UBE2D2: variants seen among roughly 807,000 people sequenced by gnomAD.
UBE2D2 encodes the protein ubiquitin conjugating enzyme E2 D2, also known as ubiquitin-conjugating enzyme E2 D2.
Under a neutral mutation model 24.2 loss-of-function variants are expected in UBE2D2, and 2 were observed. The ratio of observed to expected loss-of-function variants is 0.08; its 90% CI spans 0.03 to 0.26. The LOEUF (loss-of-function observed/expected upper bound fraction) is 0.26, where lower values mean the gene tolerates loss of function less well. UBE2D2 is among the 10% of genes least tolerant of loss of function. The pLI is 1.00. For synonymous variants in UBE2D2, 58 were observed against 56.5 expected (o/e 1.03, Z -0.12); for missense variants, 44 against 177.6 (o/e 0.25, Z 4.28).
At chr5:139,543,685 C>A (rs1359679134) in intron 1 of UBE2D2, among the ~76,000 whole-genome samples, 1 of 152,238 alleles carries the variant, frequency 6.6e-6, no homozygotes, top group South Asian at 2.1e-4. Flanking sequence ...CGGTTCACGC[C>A]GGTCTTCGCC....
chr5:139,561,863 C>T (rs1381500909), intron 1 of UBE2D2, 48 bp downstream of exon 1: 3 of 1,444,236 alleles, frequency 2.1e-6, no homozygotes, highest in Non-Finnish European at 1.8e-6. Context: ...GAGCAGGCTG[C>T]GGCCTGCACT....
At chr5:139,533,911 T>C (rs949051505) in intron 1 of UBE2D2, among the ~76,000 whole-genome samples, 3 of 149,452 alleles carry the variant, frequency 2.0e-5, no homozygotes, top group African/African-American at 7.4e-5. Flanking sequence ...GCCTCCCGAG[T>C]AGCTGGGATT....
chr5:139,535,924 G>T (rs182885719), intron 1 of UBE2D2, among the ~76,000 whole-genome samples: 6 of 150,894 alleles, frequency 4.0e-5, no homozygotes, highest in African/African-American at 1.5e-4. Flanking sequence ...ATGGAGTCTC[G>T]CTCTGTTGCC....
intron 2 of UBE2D2, among the ~76,000 whole-genome samples, chr5:139,603,474 T>C (rs1754125459): frequency 6.6e-6 from 1 of 151,518 alleles, no homozygotes. Context: ...AATACAAAAA[T>C]TAGCTGGGCG....
upstream of UBE2D2, among the ~76,000 whole-genome samples, chr5:139,558,957 A>G (rs1442171416): frequency 6.6e-6 from 1 of 152,020 alleles, no homozygotes; most frequent in Non-Finnish European, 1.5e-5. Flanking sequence ...GCGTGCTACC[A>G]TACCTGGCTA....
chr5:139,603,653 G>A (rs956557921), intron 2 of UBE2D2, among the ~76,000 whole-genome samples: 27 of 148,254 alleles, frequency 1.8e-4, no homozygotes, highest in African/African-American at 6.2e-4. Context: ...AAAAGGCTGG[G>A]TGTGGTGTCT....
intron 5 of UBE2D2, among the ~76,000 whole-genome samples, chr5:139,619,871 AAGG>A: frequency 6.6e-6 from 1 of 152,298 alleles, no homozygotes; most frequent in East Asian, 1.9e-4. Context: ...CTCAAAAAAA[AAGG>A]AGGTTTAATT....
intron 1 of UBE2D2, among the ~76,000 whole-genome samples, chr5:139,569,482 G>A (rs570155535): frequency 3.2e-4 from 49 of 152,258 alleles, no homozygotes; most frequent in Admixed American, 2.0e-3. Flanking sequence ...TCTGACTCAT[G>A]CCTCATGCTA....
At chr5:139,544,411 C>T (rs1199102986) in intron 1 of UBE2D2, among the ~76,000 whole-genome samples, 1 of 151,744 alleles carries the variant, frequency 6.6e-6, no homozygotes, top group African/African-American at 2.4e-5. Flanking sequence ...CCTCAGCCTC[C>T]CGAAGTAGCT....
Position 139,600,359 on chromosome 5 carries a change from C to A in UBE2D2, c.25-13C>A, listed in dbSNP as rs1754046069. On this transcript the variant is annotated splice_polypyrimidine_tract_variant and intron_variant, in intron 1 of 6. Transcript: ENST00000398733. The stretch of plus-strand genomic sequence containing the variant: ...TATGTTGAATATATTTCTTTTCTTT[C>A]TTTTTTCTGTAGGAATTGAATGATC... 2 of 1,613,154 alleles carry A rather than the reference C, an allele frequency of 1.2e-6. No individual in the cohort carries two copies. Among genetic ancestry groups the A allele is most frequent in the Non-Finnish European group, 1.7e-6 (2 of 1,179,686 alleles).
At chr5:139,547,108 G>A (rs1263290780) in intron 1 of UBE2D2, among the ~76,000 whole-genome samples, 1 of 151,734 alleles carries the variant, frequency 6.6e-6, no homozygotes, top group African/African-American at 2.4e-5. Context: ...GGCTAACACG[G>A]TGAAATCCCG....
At chr5:139,613,053 AG>A (rs1754356874) in intron 2 of UBE2D2, among the ~76,000 whole-genome samples, 1 of 152,192 alleles carries the variant, frequency 6.6e-6, no homozygotes, top group African/African-American at 2.4e-5. Context: ...GTCAGCAGAG[AG>A]TAATATAAGT....
At chr5:139,596,539 G>GC (rs1753963516) in intron 1 of UBE2D2, among the ~76,000 whole-genome samples, 1 of 150,492 alleles carries the variant, frequency 6.6e-6, no homozygotes, top group African/African-American at 2.4e-5. Flanking sequence ...TGATCCACCC[G>GC]CCTTGGCCTC....
rs557934183 is a variant in UBE2D2, at chr5:139,539,176, C to T, written c.-64+12564C>T. ...AGTAGCTGGGATTACAGGCGCCCAC[C>T]ACCACGACCAGCTAATTTTTGTATT... On this transcript the variant is annotated intron_variant, in intron 1 of 6. Transcript: ENST00000511725. 7.2e-5 allele frequency among the ~76,000 whole-genome samples: 11 copies of T among 151,998 alleles called. No individual in the cohort carries two copies. The East Asian group carries it at 1.8e-3, about 24-fold the overall frequency.
chr5:139,626,652 C>G, intron 6 of UBE2D2, 104 bp from the exon 7 acceptor site: 1 of 916,196 alleles, frequency 1.1e-6, no homozygotes, highest in Non-Finnish European at 1.8e-6. Context: ...CCTTGAATGT[C>G]CTATAAGCTA....
intron 2 of UBE2D2, among the ~76,000 whole-genome samples, chr5:139,607,761 CTT>C (rs1754228987): frequency 6.6e-6 from 1 of 152,142 alleles, no homozygotes; most frequent in Admixed American, 6.6e-5. Flanking sequence ...AATCCCAGCA[CTT>C]TGGTAGGCCA....
chr5:139,539,443 G>GT (rs1438180417), intron 1 of UBE2D2, among the ~76,000 whole-genome samples: 13 of 152,246 alleles, frequency 8.5e-5, no homozygotes, highest in African/African-American at 3.1e-4. Context: ...AGATAGGGGT[G>GT]TATGTGTGTG....
intron 1 of UBE2D2, among the ~76,000 whole-genome samples, chr5:139,571,913 C>A (rs1753359434): frequency 6.6e-6 from 1 of 151,050 alleles, no homozygotes; most frequent in African/African-American, 2.4e-5. Context: ...CCAAACTTAT[C>A]GAAGGTTTTC....
Position 139,548,193 on chromosome 5 carries a change from A to AAAAAATAAATAAATAAAT in UBE2D2, c.-64+21584_-64+21585insAATAAATAAATAAATAAA. On this transcript the variant is annotated intron_variant, in intron 1 of 6. Transcript: ENST00000511725. ...AAAAAAAAAAAAAAAATAAAAAAAA[A>AAAAAATAAATAAATAAAT]AAATAAATAAATAAATAAATAAACG... 1.6e-3 allele frequency among the ~76,000 whole-genome samples: 76 copies of AAAAAATAAATAAATAAAT among 47,052 alleles called. 3 individuals are homozygous for AAAAAATAAATAAATAAAT. The highest frequency in any genetic ancestry group is 9.8e-3 in the Middle Eastern group (1 of 102). The allele number at this position is 47,052 out of a possible 152,430, so 30.9% of individuals were successfully genotyped here.
Sources: gnomAD v4.1 joint callset for allele counts (sites outside exome capture counted in the v4.1 genomes callset) on GRCh38, gnomAD v4.1.1 for gene constraint, MANE v1.5 for transcripts, NCBI Gene and HGNC (gene_info 2026-07-23, HGNC 2026-07-21) for gene names.